SOX5: variants seen among roughly 807,000 people sequenced by gnomAD.
SOX5 encodes transcription factor SOX-5.
Under a neutral mutation model 92.0 loss-of-function variants are expected in SOX5, and 9 were observed. The observed-to-expected ratio is 0.10, with a 90% CI of 0.06 to 0.17. SOX5 has a LOEUF of 0.17. Ranked by LOEUF, SOX5 falls within the 10% of genes least tolerant of loss-of-function variation. SOX5 has a pLI of 1.00. For synonymous variants in SOX5, 344 were observed against 336.3 expected, an observed-to-expected ratio of 1.02 and a Z score of -0.25; for missense variants, 642 against 944.5, an observed-to-expected ratio of 0.68 and a Z score of 4.20.
In SOX5 at chr12:23,534,627, C is replaced by G. The variant is rs1055754467; in HGVS notation, c.1989-105G>C. On this transcript the variant is annotated intron_variant, in intron 14 of 14. Transcript: ENST00000451604. ...CTCAGCAATGTCCAATTCTAAGGTA[C>G]TAATTTTATCTAATTGCCTAACATT... 530 of 753,008 alleles carry G rather than the reference C, an allele frequency of 7.0e-4. 3 individuals carry two copies. Among genetic ancestry groups the G allele is most frequent in the Middle Eastern group, 5.4e-4 (2 of 3,716 alleles). The allele number at this position is 753,008 out of a possible 1,614,324, so 46.6% of individuals were successfully genotyped here.
At chr12:24,364,937 C>T (rs193032436) in intron 2 of SOX5, among the ~76,000 whole-genome samples, 2 of 152,088 alleles carry the variant, frequency 1.3e-5, no homozygotes, top group Non-Finnish European at 2.9e-5. Flanking sequence ...TAATCAGATA[C>T]ACAATGGCCT....
chr12:24,344,571 A>C (rs545323305), intron 2 of SOX5, among the ~76,000 whole-genome samples: 8 of 152,128 alleles, frequency 5.3e-5, no homozygotes, highest in Non-Finnish European at 8.8e-5. Flanking sequence ...GTGAGCTGAC[A>C]GAAGAGTCTA....
chr12:24,172,078 CGTGTGT>C (rs140419339), intron 4 of SOX5, among the ~76,000 whole-genome samples: 1 of 139,060 alleles, frequency 7.2e-6, no homozygotes, highest in Non-Finnish European at 1.6e-5. Flanking sequence ...ACTGTGTGTG[CGTGTGT>C]GTGTGTGTGC....
intron 4 of SOX5, among the ~76,000 whole-genome samples, chr12:23,981,789 C>A (rs1310039479): frequency 6.6e-6 from 1 of 152,012 alleles, no homozygotes; most frequent in African/African-American, 2.4e-5. Context: ...ACAATTAATT[C>A]TTCTAAATTC....
intron 11 of SOX5, among the ~76,000 whole-genome samples, chr12:23,554,752 C>A (rs1031467096): frequency 5.3e-5 from 8 of 152,086 alleles, no homozygotes; most frequent in African/African-American, 1.9e-4. Context: ...CAATGAGACC[C>A]TTTAAATAAA....
At chr12:24,459,458 T>C (rs1455159491) in intron 1 of SOX5, among the ~76,000 whole-genome samples, 1 of 152,238 alleles carries the variant, frequency 6.6e-6, no homozygotes, top group Non-Finnish European at 1.5e-5. Flanking sequence ...TTGTGCTAAA[T>C]AATGTCCCCT....
Position 23,614,035 on chromosome 12 carries a change from C to T in SOX5, c.1018-9502G>A, listed in dbSNP as rs1440383283. ...GCCTGTGTCCCTCCTCTTCCCACCC[C>T]TAGCTCCATTCAAGAGACAAGGAAT... On this transcript the variant is annotated intron_variant, in intron 8 of 14. Coordinates refer to ENST00000451604, the MANE Select transcript of SOX5 (RefSeq NM_006940.6). Among the ~76,000 whole-genome samples, 5 of 152,144 alleles carry T rather than the reference C, an allele frequency of 3.3e-5. No homozygotes were observed. The East Asian group carries it at 9.6e-4, about 29-fold the overall frequency.
chr12:24,358,798 A>G (rs900874761), intron 2 of SOX5, among the ~76,000 whole-genome samples: 2 of 152,248 alleles, frequency 1.3e-5, no homozygotes, highest in Admixed American at 1.3e-4. Flanking sequence ...TTACCTTTAC[A>G]TTCAACTATT....
At chr12:23,990,121 GT>G (rs1257596116) in intron 4 of SOX5, among the ~76,000 whole-genome samples, 3 of 151,918 alleles carry the variant, frequency 2.0e-5, no homozygotes, top group African/African-American at 7.2e-5. Context: ...AGGAAGATAG[GT>G]TTTGACAAAT....
At chr12:23,559,297 T>G (rs1565812008) in intron 11 of SOX5, among the ~76,000 whole-genome samples, 1 of 152,160 alleles carries the variant, frequency 6.6e-6, no homozygotes, top group Non-Finnish European at 1.5e-5. Context: ...AAGCTCACTT[T>G]TTCACCCACA....
intron 2 of SOX5, among the ~76,000 whole-genome samples, chr12:24,318,287 C>A (rs1213898093): frequency 6.6e-6 from 1 of 152,184 alleles, no homozygotes; most frequent in East Asian, 1.9e-4. Context: ...AGTCAAGTTT[C>A]AAGGATGTAA....
intron 1 of SOX5, among the ~76,000 whole-genome samples, chr12:24,555,765 G>T (rs573079459): frequency 3.9e-5 from 6 of 152,278 alleles, no homozygotes; most frequent in African/African-American, 1.4e-4. Context: ...GTGACAGAGA[G>T]ACAGAAAAAG....
intron 3 of SOX5, among the ~76,000 whole-genome samples, chr12:24,263,547 A>AAAAC (rs1565781945): frequency 2.1e-5 from 3 of 144,930 alleles, no homozygotes; most frequent in African/African-American, 2.7e-5. Context: ...AAAACAAAAA[A>AAAAC]AAAAACAAAA....
intron 4 of SOX5, among the ~76,000 whole-genome samples, chr12:24,149,047 C>T (rs927718536): frequency 2.0e-5 from 3 of 151,864 alleles, no homozygotes; most frequent in Admixed American, 6.6e-5. Context: ...ATAAAAACTT[C>T]GATCTCCACT....
At chr12:23,728,024 A>T (rs2093229868) in intron 6 of SOX5, among the ~76,000 whole-genome samples, 1 of 152,160 alleles carries the variant, frequency 6.6e-6, no homozygotes, top group African/African-American at 2.4e-5. Flanking sequence ...GAGACATATT[A>T]AAAAAAGAAT....
intron 6 of SOX5, among the ~76,000 whole-genome samples, chr12:23,734,387 T>C (rs542921456): frequency 1.3e-5 from 2 of 152,332 alleles, no homozygotes; most frequent in African/African-American, 2.4e-5. Flanking sequence ...AGAACACTTA[T>C]AGACACGTTT....
At chr12:24,133,045 T>C (rs901820673) in intron 4 of SOX5, among the ~76,000 whole-genome samples, 2 of 152,204 alleles carry the variant, frequency 1.3e-5, no homozygotes, top group African/African-American at 4.8e-5. Context: ...ATTCTACACA[T>C]TTTAATAGTT....
rs1025898697 is a variant in SOX5 at position 24,358,567 on chromosome 12, G to A, written c.-174+9996C>T. On this transcript the variant is annotated intron_variant, in intron 2 of 4. Transcript: ENST00000446891. The stretch of plus-strand genomic sequence containing the variant: ...GTGGAGCTTGCAGTGAGCCAAGATC[G>A]CGCCACTGCACTCCAGCCTGGGCAA... 8.6e-5 allele frequency among the ~76,000 whole-genome samples: 13 copies of A among 151,198 alleles called. No individual in the cohort carries two copies. In the East Asian group the frequency reaches 1.6e-3, roughly 18 times the overall value.
At chr12:24,336,428 C>T (rs1565931999) in intron 2 of SOX5, among the ~76,000 whole-genome samples, 1 of 152,072 alleles carries the variant, frequency 6.6e-6, no homozygotes, top group African/African-American at 2.4e-5. Context: ...TTCAGCATAA[C>T]ACATCAGACA....
Sources: gnomAD v4.1 joint callset for allele counts (sites outside exome capture counted in the v4.1 genomes callset) on GRCh38, gnomAD v4.1.1 for gene constraint, MANE v1.5 for transcripts, NCBI Gene and HGNC (gene_info 2026-07-23, HGNC 2026-07-21) for gene names.